MCM3AP: variants seen among roughly 807,000 people sequenced by gnomAD.
MCM3AP encodes minichromosome maintenance complex component 3 associated protein, also known as germinal-center associated nuclear protein.
A neutral mutation model predicts 184.1 loss-of-function variants in MCM3AP; 126 were observed. The ratio of observed to expected loss-of-function variants is 0.68; its 90% CI spans 0.59 to 0.79. The LOEUF is 0.79. Ranked by LOEUF, MCM3AP falls within the 30% of genes least tolerant of loss-of-function variation. MCM3AP has a pLI of 0.00. For synonymous variants in MCM3AP, 1,002 were observed against 979.3 expected (o/e 1.02, Z -0.43); for missense variants, 2,496 against 2,479.2 (o/e 1.01, Z -0.14).
chr21:46,256,112 C>T (rs937319271), intron 17 of MCM3AP, among the ~76,000 whole-genome samples: 1 of 152,090 alleles, frequency 6.6e-6, no homozygotes, highest in African/African-American at 2.4e-5. Context: ...GGCTGCCTCC[C>T]CAGTCCCCAC....
chr21:46,242,795 A>T lies in MCM3AP; in HGVS notation c.5426+7T>A. Reference sequence around the variant, plus strand: ...AGCAACAGAAACATACTGAACATGAACCTCACCGTCCCTCTCTCAGCTGTA... The same window carrying T: ...AGCAACAGAAACATACTGAACATGATCCTCACCGTCCCTCTCTCAGCTGTA... On this transcript the variant is annotated splice_region_variant and intron_variant, in intron 25 of 27. Transcript: ENST00000291688. 6.2e-7 allele frequency: 1 copy of T among 1,601,816 alleles called. No homozygotes were observed.
chr21:46,257,012 C>T (rs2080963134), intron 16 of MCM3AP, 26 bp from the exon 17 acceptor site: 3 of 1,598,570 alleles, frequency 1.9e-6, no homozygotes, highest in Non-Finnish European at 2.6e-6. Flanking sequence ...TGTATCATCA[C>T]AGAGTGTTTT....
Sources: gnomAD v4.1 joint callset for allele counts (sites outside exome capture counted in the v4.1 genomes callset) on GRCh38, gnomAD v4.1.1 for gene constraint, MANE v1.5 for transcripts, NCBI Gene and HGNC (gene_info 2026-07-23, HGNC 2026-07-21) for gene names.